GMPR: variants seen among roughly 807,000 people sequenced by gnomAD.
GMPR encodes the protein guanosine monophosphate reductase.
GMPR carries 31 observed loss-of-function variants against 38.4 expected under a neutral mutation model. The ratio of observed to expected loss-of-function variants is 0.81; its 90% CI spans 0.61 to 1.09. The LOEUF (loss-of-function observed/expected upper bound fraction) is 1.09, where lower values mean the gene tolerates loss of function less well. Ranked by LOEUF, GMPR falls within the 50% of genes least tolerant of loss-of-function variation. GMPR has a pLI of 0.00. For synonymous variants in GMPR, 162 were observed against 173.3 expected (o/e 0.93, Z 0.51); for missense variants, 468 against 453.7 (o/e 1.03, Z -0.29).
intron 5 of GMPR, among the ~76,000 whole-genome samples, chr6:16,276,256 G>A (rs1759470260): frequency 6.6e-6 from 1 of 151,826 alleles, no homozygotes; most frequent in African/African-American, 2.4e-5. Flanking sequence ...TGCAACCTTC[G>A]CCTCAGAGGT....
chr6:16,269,167 C>G (rs888208849), intron 4 of GMPR, among the ~76,000 whole-genome samples: 1 of 151,882 alleles, frequency 6.6e-6, no homozygotes. Flanking sequence ...AAAGCACCAC[C>G]AAGAGCTGGG....
At chr6:16,264,167 G>C (rs528387612) in intron 4 of GMPR, among the ~76,000 whole-genome samples, 4 of 151,958 alleles carry the variant, frequency 2.6e-5, no homozygotes, top group Non-Finnish European at 5.9e-5. Flanking sequence ...GTCTGTGACC[G>C]GCGCCGGAGT....
intron 7 of GMPR, 56 bp downstream of exon 7, chr6:16,285,891 C>A: frequency 7.1e-7 from 1 of 1,416,240 alleles, no homozygotes; most frequent in Non-Finnish European, 9.8e-7. Context: ...GAGCTCCCTA[C>A]ACCTCTCCAG....
In GMPR at chr6:16,285,835, G is replaced by A. The variant is rs1443332365; in HGVS notation, c.697G>A (p.Gly233Arg). ...TCCAGGGGATGTCGCCAAAGCCTTT[G>A]GTAAGGCCGGGCCCTGGTGCAGAGG... ...TCPGDVAKAF[G>R]AGADFVMLGG... Residue 233 changes from glycine (G) to arginine (R), a missense_variant and splice_region_variant, in exon 7 of 9, where the codon GGA (glycine) becomes AGA (arginine). Coordinates refer to ENST00000259727, the MANE Select transcript of GMPR (RefSeq NM_006877.4). 5.0e-6 allele frequency: 8 copies of A among 1,609,524 alleles called. No individual in the cohort carries two copies. Among genetic ancestry groups the A allele is most frequent in the Non-Finnish European group, 6.8e-6 (8 of 1,177,646 alleles).
chr6:16,289,050 G>C (rs963865522), intron 7 of GMPR, among the ~76,000 whole-genome samples: 1 of 152,142 alleles, frequency 6.6e-6, no homozygotes, highest in East Asian at 1.9e-4. Flanking sequence ...AACCCTTCTG[G>C]CTCCTTTTCT....
chr6:16,285,712 C>T, intron 6 of GMPR, 81 bp from the exon 7 acceptor site: 1 of 1,158,228 alleles, frequency 8.6e-7, no homozygotes, highest in South Asian at 1.3e-5. Context: ...AACCCCCAGT[C>T]ACTAGGTCAT....
intron 4 of GMPR, among the ~76,000 whole-genome samples, chr6:16,255,916 A>G (rs368427384): frequency 7.9e-5 from 12 of 152,218 alleles, no homozygotes; most frequent in African/African-American, 2.7e-4. Context: ...ATAGGAAGAA[A>G]GGATCAAGAA....
At chr6:16,289,326 T>C (rs1013038767) in intron 7 of GMPR, among the ~76,000 whole-genome samples, 4 of 152,178 alleles carry the variant, frequency 2.6e-5, no homozygotes, top group Admixed American at 1.3e-4. Flanking sequence ...ACAGTAGCAG[T>C]TCCTTAGTTA....
Position 16,284,108 on chromosome 6 carries a change from T to G in GMPR, c.655-1685T>G, listed in dbSNP as rs549928827. Among the ~76,000 whole-genome samples, 8 of 152,318 alleles carry G rather than the reference T, an allele frequency of 5.3e-5. No homozygotes were observed. The South Asian group carries it at 1.7e-3, about 32-fold the overall frequency. On this transcript the variant is annotated intron_variant, in intron 6 of 8. Coordinates refer to ENST00000259727, the MANE Select transcript of GMPR (RefSeq NM_006877.4). Reference sequence around the variant, plus strand: ...TATTCCTCAGTGCTCTGTGGCCCTCTGGGGGTCAGAGAAGCCATGTATGAA... The same window carrying G: ...TATTCCTCAGTGCTCTGTGGCCCTCGGGGGGTCAGAGAAGCCATGTATGAA...
At chr6:16,254,151 G>A (rs1352506405) in intron 3 of GMPR, among the ~76,000 whole-genome samples, 3 of 151,700 alleles carry the variant, frequency 2.0e-5, no homozygotes, top group African/African-American at 4.8e-5. Context: ...GGCTTGTCTC[G>A]AACTCCTGAC....
At chr6:16,241,250 G>T (rs1340344588) in intron 1 of GMPR, among the ~76,000 whole-genome samples, 1 of 152,138 alleles carries the variant, frequency 6.6e-6, no homozygotes, top group African/African-American at 2.4e-5. Flanking sequence ...GAGGGAGGAG[G>T]GTTTTGACAG....
intron 4 of GMPR, among the ~76,000 whole-genome samples, chr6:16,257,750 A>G (rs996734581): frequency 6.6e-6 from 1 of 152,196 alleles, no homozygotes; most frequent in Non-Finnish European, 1.5e-5. Flanking sequence ...TTCTTGCTGC[A>G]TCTTCATATG....
intron 4 of GMPR, among the ~76,000 whole-genome samples, chr6:16,269,127 G>A (rs1250335604): frequency 6.6e-6 from 1 of 151,914 alleles, no homozygotes. Context: ...TATACAGAAA[G>A]TACTTTTAAA....
At chr6:16,250,878 A>T (rs114110882) in intron 3 of GMPR, among the ~76,000 whole-genome samples, 1,775 of 133,532 alleles carry the variant, frequency 0.013, 42 homozygotes, top group African/African-American at 0.046. Context: ...GTCTCTTTTT[A>T]AAAAAAAAAA....
chr6:16,249,574 C>T (rs571232853), intron 2 of GMPR, among the ~76,000 whole-genome samples: 14 of 152,318 alleles, frequency 9.2e-5, no homozygotes, highest in East Asian at 5.8e-4. Flanking sequence ...CCTCCTGCCT[C>T]GGCCTCCTAA....
intron 4 of GMPR, among the ~76,000 whole-genome samples, chr6:16,260,736 T>C (rs1017760456): frequency 3.0e-4 from 45 of 151,990 alleles, no homozygotes; most frequent in African/African-American, 6.8e-4. Flanking sequence ...CTGGTGGAAC[T>C]GCCATCAATA....
At chr6:16,252,333 C>T (rs1758890275) in intron 3 of GMPR, among the ~76,000 whole-genome samples, 1 of 152,134 alleles carries the variant, frequency 6.6e-6, no homozygotes, top group African/African-American at 2.4e-5. Flanking sequence ...GATCTCTGCT[C>T]ACTGCAGCCT....
intron 4 of GMPR, among the ~76,000 whole-genome samples, chr6:16,271,248 G>A (rs1253620509): frequency 6.6e-6 from 1 of 152,210 alleles, no homozygotes; most frequent in African/African-American, 2.4e-5. Context: ...CACTTTGGGA[G>A]GCTGAGGCAG....
chr6:16,292,711 C>T (rs998207840), intron 8 of GMPR, among the ~76,000 whole-genome samples: 1 of 152,152 alleles, frequency 6.6e-6, no homozygotes, highest in Non-Finnish European at 1.5e-5. Context: ...AGGTGCTTTG[C>T]CTGGAGTACC....
Sources: allele counts gnomAD v4.1 joint callset (sites outside exome capture counted in the v4.1 genomes callset), GRCh38; gene constraint gnomAD v4.1.1; transcripts MANE v1.5; gene names NCBI Gene and HGNC (gene_info 2026-07-23, HGNC 2026-07-21).